The following HSPA8 variants were observed in gnomAD, a reference collection of about 807,000 sequenced individuals.
The protein encoded by HSPA8 is heat shock protein family A (Hsp70) member 8, also known as heat shock cognate 71 kDa protein.
In HSPA8, 2 loss-of-function variants were observed where a neutral mutation model predicts 52.8. The ratio of observed to expected loss-of-function variants is 0.04; its 90% confidence interval spans 0.02 to 0.12. HSPA8 has a LOEUF of 0.12. HSPA8 is among the 10% of genes least tolerant of loss of function. HSPA8 has a pLI of 1.00. For missense variants in HSPA8, 349 were observed against 800.5 expected, an observed-to-expected ratio of 0.44 and a Z score of 6.81; for synonymous variants, 436 against 274.0, an observed-to-expected ratio of 1.59 and a Z score of -5.84.
Position 123,062,097 on chromosome 11 carries a change from A to C in HSPA8, c.-39T>G, listed in dbSNP as rs899646617. The C allele has an allele frequency of 2.0e-5, 3 of 152,844 alleles. No homozygotes were observed. Among genetic ancestry groups the C allele is most frequent in the African/African-American group, 7.2e-5 (3 of 41,438 alleles). The allele number at this position is 152,844 out of a possible 1,614,324, so 9.5% of individuals were successfully genotyped here. A position where few individuals can be genotyped will look rare whatever the true frequency, so the allele number is the denominator to read the frequency against. On this transcript the variant is annotated 5_prime_UTR_variant, in exon 1 of 9. Transcript: ENST00000534624. ...TAGGCCTGGCTCCAATAACGAAGGA[A>C]GCCACAAAAAACCCAAGAGCTGCAG...
intron 2 of HSPA8, 157 bp downstream of exon 2, chr11:123,060,963 C>T: frequency 1.1e-6 from 1 of 885,274 alleles, no homozygotes; most frequent in Non-Finnish European, 1.8e-6. Flanking sequence ...CAGATTTCAG[C>T]CTGAAAGGTT....
At chr11:123,061,083 G>C (rs376044760) in intron 2 of HSPA8, 37 bp downstream of exon 2, 3 of 1,563,492 alleles carry the variant, frequency 1.9e-6, no homozygotes, top group Admixed American at 1.7e-5. Flanking sequence ...TCCTAGCCCT[G>C]TTATATTTGT....
chr11:123,061,492 A>G (rs979982971), intron 1 of HSPA8, 163 bp from the exon 2 acceptor site: 14 of 628,014 alleles, frequency 2.2e-5, no homozygotes, highest in African/African-American at 2.2e-4. Flanking sequence ...CTAGTGCTGC[A>G]GTCCAGGTTG....
At position 123,060,725 on chromosome 11, in the gene HSPA8, C is replaced by T. The variant is rs1366901063; in HGVS notation, c.279G>A (p.Met93Ile). 1 of 1,613,998 alleles carries T rather than the reference C, an allele frequency of 6.2e-7. No individual in the cohort carries two copies. Among genetic ancestry groups the T allele is most frequent in the Admixed American group, 1.7e-5 (1 of 60,000 alleles). Residue 93 changes from methionine (M) to isoleucine (I), a missense_variant, in exon 3 of 9, where the codon ATG becomes ATA. By Grantham distance (10) the Met-to-Ile change is conservative. Transcript: ENST00000534624. ...VQSDMKHWPFMVVNDAGRPKV... is the reference protein window; with the variant it reads ...VQSDMKHWPFIVVNDAGRPKV... ...TGGGCCTGCCAGCATCATTCACCACCATAAAGGGCCAATGTTTCATATCAG... is the reference window on the plus strand; with the variant it reads ...TGGGCCTGCCAGCATCATTCACCACTATAAAGGGCCAATGTTTCATATCAG...
chr11:123,058,987 T>C (rs1260134697), intron 6 of HSPA8, 72 bp downstream of exon 6: 4 of 1,456,620 alleles, frequency 2.7e-6, no homozygotes, highest in Admixed American at 1.7e-5. Flanking sequence ...GAATCCATCA[T>C]CATAGCGAGT....
chr11:123,061,459 C>T, intron 1 of HSPA8, 130 bp from the exon 2 acceptor site: 1 of 711,996 alleles, frequency 1.4e-6, no homozygotes, highest in Non-Finnish European at 2.4e-6. Context: ...CACCTCCTGT[C>T]TAAGCACGCG....
At chr11:123,061,070 G>C in intron 2 of HSPA8, 50 bp downstream of exon 2, 1 of 1,501,592 alleles carries the variant, frequency 6.7e-7, no homozygotes. Flanking sequence ...AAACTTTTGT[G>C]CTTCCTAGCC....
chr11:123,060,077 C>A (rs770919426), intron 4 of HSPA8, 39 bp downstream of exon 4: 5 of 1,613,998 alleles, frequency 3.1e-6, no homozygotes, highest in Admixed American at 3.3e-5. Context: ...TCAAATTAAT[C>A]TTAAAATAAT....
Position 123,060,584 on chromosome 11 carries a change from C to T in HSPA8, c.411+9G>A, listed in dbSNP as rs746809257. The T allele has an allele frequency of 6.8e-6, 11 of 1,610,086 alleles. No individual in the cohort carries two copies. The highest frequency in any genetic ancestry group is 1.6e-4 in the Middle Eastern group (1 of 6,070). On this transcript the variant is annotated intron_variant, in intron 3 of 8. Transcript: ENST00000534624. Reference sequence around the variant, plus strand: ...CGGAATGCACCCCATACTGAAAAACCAACCTCACCTTCCCAAGGTAGGCTT... The same window carrying T: ...CGGAATGCACCCCATACTGAAAAACTAACCTCACCTTCCCAAGGTAGGCTT...
rs1300154147 is a variant in HSPA8, at chr11:123,061,437, A to C, written c.-5-108T>G. ...AAACGTATGGCCACTGCCAAGAGGT[A>C]ATAGTGCCCATCACCTCCTGTCTAA... On this transcript the variant is annotated intron_variant, in intron 1 of 8. Coordinates refer to ENST00000534624, the MANE Select transcript of HSPA8 (RefSeq NM_006597.6). 8.5e-6 allele frequency: 7 copies of C among 819,874 alleles called. No homozygotes were observed. The East Asian group carries it at 1.9e-4, about 22-fold the overall frequency. The allele number at this position is 819,874 out of a possible 1,614,324, so 50.8% of individuals were successfully genotyped here. A position where few individuals can be genotyped will look rare whatever the true frequency, so the allele number is the denominator to read the frequency against.
Position 123,060,889 on chromosome 11 carries a change from T to C in HSPA8, c.206-91A>G, listed in dbSNP as rs572019981. ...GATTACTCAAATACCTAACAGTTCATAGGTAGGTGAATTCAACTACCATAT... is the reference window on the plus strand; with the variant it reads ...GATTACTCAAATACCTAACAGTTCACAGGTAGGTGAATTCAACTACCATAT... On this transcript the variant is annotated intron_variant, in intron 2 of 8. Coordinates refer to ENST00000534624, the MANE Select transcript of HSPA8 (RefSeq NM_006597.6). 1.2e-4 allele frequency: 138 copies of C among 1,186,576 alleles called. No individual in the cohort carries two copies. The East Asian group carries it at 1.5e-3, about 12-fold the overall frequency. The allele number at this position is 1,186,576 out of a possible 1,614,324, so 73.5% of individuals were successfully genotyped here. A position where few individuals can be genotyped will look rare whatever the true frequency, so the allele number is the denominator to read the frequency against.
chr11:123,061,599 C>A (rs1354194200), intron 1 of HSPA8: 15 of 501,852 alleles, frequency 3.0e-5, no homozygotes, highest in Non-Finnish European at 5.4e-5. Context: ...CCGAACTGAG[C>A]ACTGTCTGTT....
chr11:123,059,398 G>GTT (rs111708230), intron 5 of HSPA8, 75 bp downstream of exon 5: 1 of 1,351,854 alleles, frequency 7.4e-7, no homozygotes, highest in Non-Finnish European at 1.0e-6. Flanking sequence ...AACTACGAAT[G>GTT]TTTAACAATC....
chr11:123,058,169 C>A (rs1415088907), intron 8 of HSPA8, 83 bp downstream of exon 8: 2 of 937,926 alleles, frequency 2.1e-6, no homozygotes, highest in South Asian at 1.5e-5. Flanking sequence ...TGACCCTACA[C>A]TGAAATCCAG....
In HSPA8 at chr11:123,059,693, G is replaced by T; in HGVS notation, c.900C>A (p.Ala300=). The change falls in exon 5 of 9, where the codon GCC becomes GCA. Residue 300 remains alanine (A), a synonymous_variant. Transcript: ENST00000534624. ...GIDFYTSITR[A]RFEELNADLF... is the part of the protein sequence containing the mutation. ...GGTCAGCATTCAGTTCTTCAAATCG[G>T]GCACGGGTAATGGAGGTATAGAAGT... 1.2e-6 allele frequency: 2 copies of T among 1,613,860 alleles called. No homozygotes were observed. Among genetic ancestry groups the T allele is most frequent in the Non-Finnish European group, 1.7e-6 (2 of 1,179,888 alleles).
chr11:123,062,395 C>CG (rs1212882070), upstream of HSPA8: 1 of 152,478 alleles, frequency 6.6e-6, no homozygotes, highest in African/African-American at 2.4e-5. Context: ...CGGACGGCCC[C>CG]GGGGAAAGGG....
chr11:123,059,936 G>C lies in HSPA8; in HGVS notation c.657C>G (p.Val219=). 6.2e-7 allele frequency: 1 copy of C among 1,613,948 alleles called. No individual in the cohort carries two copies. The highest frequency in any genetic ancestry group is 1.7e-4 in the Middle Eastern group (1 of 5,982). The change falls in exon 5 of 9, where the codon GTC becomes GTG. Residue 219 remains valine, a synonymous_variant. Transcript: ENST00000534624. ...AGTGGGTGTCTCCAGCTGTAGACTT[G>C]ACCTCAAAGATTCCATCCTCAATAG... ...ILTIEDGIFE[V]KSTAGDTHLG...
intron 1 of HSPA8, chr11:123,061,634 C>T (rs569735160): frequency 9.4e-6 from 4 of 427,184 alleles, no homozygotes; most frequent in South Asian, 7.1e-5. Context: ...GGTGCCAGTG[C>T]CCCCGGGAGT....
intron 2 of HSPA8, 155 bp from the exon 3 acceptor site, chr11:123,060,953 C>G (rs1241322800): frequency 1.1e-6 from 1 of 873,396 alleles, no homozygotes; most frequent in African/African-American, 1.7e-5. Flanking sequence ...CTACGTTATC[C>G]AGATTTCAGC....
Sources: allele counts gnomAD v4.1 joint callset, GRCh38; gene constraint gnomAD v4.1.1; transcripts MANE v1.5; gene names NCBI Gene and HGNC (gene_info 2026-07-23, HGNC 2026-07-21).